NRXN3: variants seen among roughly 807,000 people sequenced by gnomAD.
NRXN3 encodes the protein neurexin 3.
A neutral mutation model predicts 137.6 loss-of-function variants in NRXN3; 32 were observed. That is an observed-to-expected ratio of 0.23 (90% CI 0.18 to 0.31). The LOEUF is 0.31. Ranked by LOEUF, NRXN3 falls within the 10% of genes least tolerant of loss-of-function variation. The pLI is 1.00. For missense variants in NRXN3, 1,574 were observed against 2,062.5 expected (o/e 0.76, Z 4.59); for synonymous variants, 798 against 784.5 (o/e 1.02, Z -0.29).
intron 4 of NRXN3, among the ~76,000 whole-genome samples, chr14:78,546,619 A>AT (rs1234676720): frequency 4.0e-5 from 6 of 151,824 alleles, no homozygotes; most frequent in Non-Finnish European, 4.4e-5. Flanking sequence ...CTTTGTTTTC[A>AT]TTTTTTATAT....
At chr14:78,179,834 G>GTTTTTTTTTTTTTTT (rs1325344906) in intron 1 of NRXN3, among the ~76,000 whole-genome samples, 12 of 111,388 alleles carry the variant, frequency 1.1e-4, no homozygotes, top group East Asian at 2.6e-4. Context: ...GTTTGTTTCT[G>GTTTTTTTTTTTTTTT]TTTTTTTGTT....
chr14:79,210,699 C>G (rs2067519101), intron 15 of NRXN3, among the ~76,000 whole-genome samples: 2 of 152,166 alleles, frequency 1.3e-5, no homozygotes, highest in Admixed American at 6.5e-5. Flanking sequence ...TTCCTGACTT[C>G]TGCATATTTG....
intron 15 of NRXN3, among the ~76,000 whole-genome samples, chr14:79,102,434 C>T (rs1200949411): frequency 2.0e-5 from 3 of 152,166 alleles, no homozygotes; most frequent in South Asian, 2.1e-4. Flanking sequence ...GGCCTCCTGA[C>T]TTTGTTCACT....
chr14:79,633,267 C>T (rs1164737381), intron 16 of NRXN3: 1 of 152,140 alleles, frequency 6.6e-6, no homozygotes, highest in Non-Finnish European at 1.5e-5. Context: ...ATTTTATGTT[C>T]CCAGTCAGGT....
At chr14:78,196,476 G>A (rs1239945509) in intron 1 of NRXN3, among the ~76,000 whole-genome samples, 3 of 152,328 alleles carry the variant, frequency 2.0e-5, no homozygotes, top group African/African-American at 4.8e-5. Flanking sequence ...CTTGTGCTGG[G>A]TAGAAAAGAC....
intron 19 of NRXN3, among the ~76,000 whole-genome samples, chr14:79,791,758 CAAG>C (rs2099146136): frequency 6.6e-6 from 1 of 152,018 alleles, no homozygotes; most frequent in Non-Finnish European, 1.5e-5. Flanking sequence ...TTCGTTTTAT[CAAG>C]AATAGAACAA....
chr14:79,516,164 A>G (rs923527472), intron 16 of NRXN3, among the ~76,000 whole-genome samples: 2 of 152,168 alleles, frequency 1.3e-5, no homozygotes, highest in Non-Finnish European at 1.5e-5. Context: ...TTAGCGCTCC[A>G]TCTAATGAAT....
intron 15 of NRXN3, chr14:79,280,537 C>T (rs199868498): frequency 3.2e-5 from 52 of 1,610,088 alleles, no homozygotes; most frequent in Middle Eastern, 3.3e-4. Flanking sequence ...GAGGAGGACA[C>T]GGTAGGTCTC....
intron 15 of NRXN3, among the ~76,000 whole-genome samples, chr14:79,169,402 T>C (rs536030601): frequency 6.6e-6 from 1 of 152,250 alleles, no homozygotes; most frequent in African/African-American, 2.4e-5. Flanking sequence ...ACCTAAGATT[T>C]TGCAGTCCCT....
At chr14:78,298,576 G>A (rs909742035) in intron 4 of NRXN3, among the ~76,000 whole-genome samples, 1 of 152,208 alleles carries the variant, frequency 6.6e-6, no homozygotes, top group Non-Finnish European at 1.5e-5. Context: ...TGTGAATGAA[G>A]CCTTTTTCTC....
chr14:79,527,216 C>T (rs1318523705), intron 16 of NRXN3, among the ~76,000 whole-genome samples: 1 of 147,334 alleles, frequency 6.8e-6, no homozygotes, highest in Non-Finnish European at 1.5e-5. Flanking sequence ...ATCATTTGAA[C>T]CGGGGTGGCA....
intron 4 of NRXN3, among the ~76,000 whole-genome samples, chr14:78,318,635 C>A (rs374539047): frequency 9.2e-5 from 14 of 152,290 alleles, no homozygotes; most frequent in South Asian, 2.1e-4. Context: ...CCCGATTCCC[C>A]CAATGTCACT....
At chr14:78,343,480 T>C (rs1261846238) in intron 4 of NRXN3, among the ~76,000 whole-genome samples, 1 of 152,214 alleles carries the variant, frequency 6.6e-6, no homozygotes, top group Non-Finnish European at 1.5e-5. Context: ...AACAGCCAGA[T>C]AAGTAATATT....
At chr14:78,876,069 C>T (rs376793818) in intron 10 of NRXN3, among the ~76,000 whole-genome samples, 1 of 152,168 alleles carries the variant, frequency 6.6e-6, no homozygotes, top group Non-Finnish European at 1.5e-5. Flanking sequence ...TATTTGTATT[C>T]CCTTTAAGAG....
intron 16 of NRXN3, among the ~76,000 whole-genome samples, chr14:79,487,471 G>A (rs11845632): frequency 0.53 from 80,798 of 151,900 alleles, 24,309 homozygotes; most frequent in African/African-American, 0.84. Context: ...TCAGTGTCTC[G>A]TATCAAACTG....
intron 6 of NRXN3, among the ~76,000 whole-genome samples, chr14:78,689,411 A>C (rs76460496): frequency 1.2e-4 from 18 of 152,310 alleles, no homozygotes; most frequent in Non-Finnish European, 1.9e-4. Flanking sequence ...ACATTTTTAT[A>C]GCACTTCTTG....
At chr14:79,700,458 A>C (rs753736032) in intron 19 of NRXN3, among the ~76,000 whole-genome samples, 2 of 152,088 alleles carry the variant, frequency 1.3e-5, no homozygotes, top group Non-Finnish European at 2.9e-5. Flanking sequence ...AAATTTAATA[A>C]CATTGTCAAA....
chr14:78,326,314 G>C (rs2080075280), intron 4 of NRXN3, among the ~76,000 whole-genome samples: 1 of 152,192 alleles, frequency 6.6e-6, no homozygotes, highest in African/African-American at 2.4e-5. Flanking sequence ...GCTGCTTGCA[G>C]CCTTAACATG....
chr14:78,743,520 A>G (rs1352195079), intron 8 of NRXN3, among the ~76,000 whole-genome samples: 1 of 152,236 alleles, frequency 6.6e-6, no homozygotes, highest in East Asian at 1.9e-4. Context: ...TTAGGCACAC[A>G]TAGCTCATTG....
Sources: allele counts gnomAD v4.1 joint callset (sites outside exome capture counted in the v4.1 genomes callset), GRCh38; gene constraint gnomAD v4.1.1; transcripts MANE v1.5; gene names NCBI Gene and HGNC (gene_info 2026-07-23, HGNC 2026-07-21).